Variants in PCDH15 observed in about 807,000 individuals in gnomAD.
PCDH15 encodes the protein protocadherin-15.
A neutral mutation model predicts 178.5 loss-of-function variants in PCDH15; 129 were observed. The ratio of observed to expected loss-of-function variants is 0.72; its 90% CI spans 0.63 to 0.84. The LOEUF (loss-of-function observed/expected upper bound fraction) is 0.84. Ranked by LOEUF, PCDH15 falls within the 40% of genes least tolerant of loss-of-function variation. The pLI, the probability that PCDH15 is intolerant of heterozygous loss-of-function variation, is 0.00. For synonymous variants in PCDH15, 800 were observed against 732.0 expected, an observed-to-expected ratio of 1.09 and a Z score of -1.50; for missense variants, 2,230 against 2,099.9, an observed-to-expected ratio of 1.06 and a Z score of -1.21.
At chr10:53,973,861 G>T (rs938559801) in intron 21 of PCDH15, among the ~76,000 whole-genome samples, 2 of 152,092 alleles carry the variant, frequency 1.3e-5, no homozygotes, top group Non-Finnish European at 2.9e-5. Flanking sequence ...AAGTAACATA[G>T]TCTCCTTCAG....
At chr10:55,530,291 T>C (rs1386971372) in intron 2 of PCDH15, among the ~76,000 whole-genome samples, 4 of 151,912 alleles carry the variant, frequency 2.6e-5, no homozygotes, top group Non-Finnish European at 5.9e-5. Context: ...ATTATTCTTA[T>C]CCATCTCAAG....
rs1008785717 is a variant in PCDH15, at chr10:54,801,121, G to A, written c.-225C>T. The A allele has an allele frequency of 6.6e-6, 1 of 152,068 alleles. No individual in the cohort carries two copies. The highest frequency in any genetic ancestry group is 1.5e-5 in the Non-Finnish European group (1 of 68,008). 9.4% of individuals were successfully genotyped at this position (152,068 alleles called of 1,614,324 possible). On this transcript the variant is annotated 5_prime_UTR_variant, in exon 1 of 38. Transcript: ENST00000644397. The stretch of plus-strand genomic sequence containing the variant: ...CATATCATCAAGAAAATGTTACTAG[G>A]AAAATTTTTAGAAAAGCAAAACAGT...
rs1402828073 is a variant in PCDH15 at position 54,183,552 on chromosome 10, G to A, written c.1482C>T (p.Ile494=). The A allele has an allele frequency of 1.1e-5, 18 of 1,613,978 alleles. No homozygotes were observed. The highest frequency in any genetic ancestry group is 1.4e-5 in the Non-Finnish European group (17 of 1,179,946). ...TTGCATCCATCACTTGAATATTGACGATGACTGGCTCACTTTCTTGTACAC... is the reference window on the plus strand; with the variant it reads ...TTGCATCCATCACTTGAATATTGACAATGACTGGCTCACTTTCTTGTACAC... The part of the protein sequence containing the change: ...FDGVQESEPV[I]VNIQVMDAND... Residue 494 remains isoleucine (I), a synonymous_variant, in exon 13 of 38, where the codon ATC becomes ATT. Transcript: ENST00000644397.
At chr10:54,503,700 T>C (rs1290070566) in intron 3 of PCDH15, among the ~76,000 whole-genome samples, 1 of 151,982 alleles carries the variant, frequency 6.6e-6, no homozygotes, top group Non-Finnish European at 1.5e-5. Context: ...GTGTAATACT[T>C]GACATTGAAA....
intron 1 of PCDH15, among the ~76,000 whole-genome samples, chr10:55,260,670 G>A (rs1005123782): frequency 1.3e-5 from 2 of 152,106 alleles, no homozygotes; most frequent in East Asian, 3.9e-4. Flanking sequence ...CAAACCTCTA[G>A]GTAATATTAC....
chr10:54,496,914 T>G (rs1238472617), intron 3 of PCDH15, among the ~76,000 whole-genome samples: 1 of 152,094 alleles, frequency 6.6e-6, no homozygotes, highest in Non-Finnish European at 1.5e-5. Context: ...ATAGAGAGGG[T>G]AATGTATGCC....
At chr10:54,914,682 C>T (rs1402693800) in intron 2 of PCDH15, among the ~76,000 whole-genome samples, 1 of 152,072 alleles carries the variant, frequency 6.6e-6, no homozygotes, top group African/African-American at 2.4e-5. Context: ...ATAACTGAGC[C>T]CACTTCATAG....
chr10:54,299,189 G>A (rs965386179), intron 8 of PCDH15, among the ~76,000 whole-genome samples: 4 of 150,086 alleles, frequency 2.7e-5, no homozygotes, highest in Admixed American at 1.3e-4. Context: ...AAGAAACAGA[G>A]AGACAAAGAG....
At chr10:54,722,961 C>T (rs936529033) in intron 1 of PCDH15, among the ~76,000 whole-genome samples, 6 of 151,676 alleles carry the variant, frequency 4.0e-5, no homozygotes, top group Admixed American at 6.6e-5. Context: ...TTAAAGTAAA[C>T]ATACTGCACA....
intron 8 of PCDH15, among the ~76,000 whole-genome samples, chr10:54,291,213 T>G (rs915362495): frequency 1.3e-5 from 2 of 152,162 alleles, no homozygotes; most frequent in African/African-American, 4.8e-5. Flanking sequence ...AACCTGCTCC[T>G]GAATGACTAC....
chr10:54,809,259 A>C (rs944599220), intron 3 of PCDH15, among the ~76,000 whole-genome samples: 5 of 152,092 alleles, frequency 3.3e-5, no homozygotes, highest in Non-Finnish European at 1.5e-5. Flanking sequence ...ATCTTCCTAG[A>C]TTTTGGGTTT....
intron 5 of PCDH15, among the ~76,000 whole-genome samples, chr10:54,356,049 C>T (rs1944923491): frequency 6.6e-6 from 1 of 151,858 alleles, no homozygotes; most frequent in Non-Finnish European, 1.5e-5. Context: ...ACCTAGTTCC[C>T]CACAATATAG....
At chr10:55,172,908 T>C (rs1451375433) in intron 1 of PCDH15, among the ~76,000 whole-genome samples, 1 of 151,976 alleles carries the variant, frequency 6.6e-6, no homozygotes, top group Non-Finnish European at 1.5e-5. Flanking sequence ...TTGCAAGCAC[T>C]TTTAGAAGTT....
intron 1 of PCDH15, among the ~76,000 whole-genome samples, chr10:54,676,399 C>G (rs928882575): frequency 6.6e-6 from 1 of 151,940 alleles, no homozygotes; most frequent in African/African-American, 2.4e-5. Flanking sequence ...AAAATAATGT[C>G]TATTTTAATA....
At position 53,828,483 on chromosome 10, in the gene PCDH15, C is replaced by CAGGCTGACT. The variant is rs199666861; in HGVS notation, c.4211+73_4211+81dup. 1,978 of 1,179,864 alleles carry CAGGCTGACT rather than the reference C, an allele frequency of 1.7e-3. 27 individuals carry two copies. In the African/African-American group the frequency reaches 0.026, roughly 15 times the overall value. 73.1% of individuals were successfully genotyped at this position (1,179,864 alleles called of 1,614,324 possible). On this transcript the variant is annotated intron_variant, in intron 31 of 37. Transcript: ENST00000644397. ...CAAGGGAATAAGATGTGGTTCTGAG[C>CAGGCTGACT]AGGCTGACTTGATTGATATAATCTC...
rs143106960 is a variant in PCDH15 at position 54,616,031 on chromosome 10, A to C, written c.91+48141T>G. Among the ~76,000 whole-genome samples the C allele has an allele frequency of 9.7e-3, 1,479 of 152,202 alleles. 26 individuals carry two copies. Among genetic ancestry groups the C allele is most frequent in the African/African-American group, 0.034 (1,428 of 41,554 alleles). On this transcript the variant is annotated intron_variant, in intron 2 of 37. Transcript: ENST00000644397. The stretch of plus-strand genomic sequence containing the variant: ...TGTAGACAACAGCAGGCTCAGCATT[A>C]CCAAATTATCTCATTTTTTTGAGTA...
At position 54,329,617 on chromosome 10, in the gene PCDH15, G is replaced by A. The variant is rs372867091; in HGVS notation, c.684C>T (p.Tyr228=). The A allele has an allele frequency of 2.5e-6, 4 of 1,599,738 alleles. No individual in the cohort carries two copies. The highest frequency in any genetic ancestry group is 3.3e-5 in the Admixed American group (2 of 59,850). ...TCACATTAGCTTGGATTATGACAAAGTAGCGAGTCTTATCTTCATAGTTGA... is the reference window on the plus strand; with the variant it reads ...TCACATTAGCTTGGATTATGACAAAATAGCGAGTCTTATCTTCATAGTTGA... The part of the protein sequence containing the change: ...KRLNYEDKTR[Y]FVIIQANDRA... The change falls in exon 7 of 38, where the codon TAC becomes TAT. Residue 228 remains tyrosine, a synonymous_variant. Transcript: ENST00000644397.
intron 26 of PCDH15, among the ~76,000 whole-genome samples, chr10:53,888,082 T>C (rs1326477533): frequency 6.6e-6 from 1 of 151,420 alleles, no homozygotes; most frequent in Non-Finnish European, 1.5e-5. Context: ...AGAGAATATA[T>C]AGTTTAAAAA....
intron 2 of PCDH15, among the ~76,000 whole-genome samples, chr10:55,345,054 A>G (rs1472924141): frequency 6.6e-6 from 1 of 151,996 alleles, no homozygotes. Flanking sequence ...AGATTATTTA[A>G]GAAGTCTCTT....
Sources: gnomAD v4.1 joint callset for allele counts (sites outside exome capture counted in the v4.1 genomes callset) on GRCh38, gnomAD v4.1.1 for gene constraint, MANE v1.5 for transcripts, NCBI Gene and HGNC (gene_info 2026-07-23, HGNC 2026-07-21) for gene names.